The following PPFIA3 variants were observed in gnomAD, a reference collection of about 807,000 sequenced individuals.
PPFIA3 encodes PPFI scaffold protein A3, also known as liprin-alpha-3.
A neutral mutation model predicts 145.8 loss-of-function variants in PPFIA3; 26 were observed. The observed-to-expected ratio is 0.18, with a 90% CI of 0.13 to 0.25. The LOEUF (loss-of-function observed/expected upper bound fraction) is 0.25, where lower values mean the gene tolerates loss of function less well. PPFIA3 is among the 10% of genes least tolerant of loss of function. The pLI is 1.00. For synonymous variants in PPFIA3, 645 were observed against 661.4 expected (o/e 0.98, Z 0.38); for missense variants, 1,008 against 1,587.8 (o/e 0.63, Z 6.21).
At chr19:49,142,577 A>ACCCGCCC (rs1236448274) in intron 20 of PPFIA3, among the ~76,000 whole-genome samples, 5 of 36,730 alleles carry the variant, frequency 1.4e-4, no homozygotes, top group South Asian at 1.2e-3. Context: ...CTCTTCCCCC[A>ACCCGCCC]CCCGCCCCCC....
chr19:49,127,580 C>T (rs2041017289), intron 1 of PPFIA3, among the ~76,000 whole-genome samples: 1 of 151,388 alleles, frequency 6.6e-6, no homozygotes, highest in Non-Finnish European at 1.5e-5. Context: ...GCCTGGGTGA[C>T]AGAGTGAGAC....
chr19:49,140,080 C>T lies in PPFIA3; in HGVS notation c.2360C>T (p.Ser787Phe). The T allele has an allele frequency of 6.2e-7, 1 of 1,614,002 alleles. No homozygotes were observed. The highest frequency in any genetic ancestry group is 8.5e-7 in the Non-Finnish European group (1 of 1,180,046). Residue 787 changes from serine to phenylalanine, a missense_variant, in exon 18 of 30, where the codon TCT (serine) becomes TTT (phenylalanine). Physicochemically the swap from Ser to Phe is radical, Grantham distance 155 (BLOSUM62 -2). Coordinates refer to ENST00000334186, the MANE Select transcript of PPFIA3 (RefSeq NM_003660.4). ...ATGGGACCCCCAGGCCGGGACAGCTCTTCTCTGGGTGAGTACCTCACTCTA... is the reference window on the plus strand; with the variant it reads ...ATGGGACCCCCAGGCCGGGACAGCTTTTCTCTGGGTGAGTACCTCACTCTA... ...GRMGPPGRDS[S>F]SLAGTPSDET...
rs556087612 is a variant in PPFIA3, at chr19:49,146,072, G to C, written c.2808+67G>C. On this transcript the variant is annotated intron_variant, in intron 22 of 29. Coordinates refer to ENST00000334186, the MANE Select transcript of PPFIA3 (RefSeq NM_003660.4). ...TTCTTTGGGGGTGGGGGCGGGGACC[G>C]AGTCTGTGGCCATCCCTAAGTCCGC... 4 of 1,607,426 alleles carry C rather than the reference G, an allele frequency of 2.5e-6. No homozygotes were observed. In the Admixed American group the frequency reaches 5.0e-5, roughly 20 times the overall value.
At chr19:49,129,634 G>A (rs1434841231) in intron 5 of PPFIA3, among the ~76,000 whole-genome samples, 180 bp downstream of exon 5, 1 of 152,224 alleles carries the variant, frequency 6.6e-6, no homozygotes, top group African/African-American at 2.4e-5. Context: ...GGCACGCATT[G>A]CGCAGGGCTA....
Position 49,148,065 on chromosome 19 carries a change from A to T in PPFIA3, c.2836-18A>T. On this transcript the variant is annotated intron_variant, in intron 23 of 29. Transcript: ENST00000334186. Reference sequence around the variant, plus strand: ...GGCCAGAGGGCCTGACTCTTCCCTCACCTGCCCATGGCCCCAGATCCTGGC... The same window carrying T: ...GGCCAGAGGGCCTGACTCTTCCCTCTCCTGCCCATGGCCCCAGATCCTGGC... The T allele has an allele frequency of 6.2e-7, 1 of 1,604,222 alleles. No homozygotes were observed. Among genetic ancestry groups the T allele is most frequent in the South Asian group, 1.1e-5 (1 of 89,186 alleles).
At position 49,120,540 on chromosome 19, in the gene PPFIA3, C is replaced by T. The variant is rs759034844; in HGVS notation, c.-16+818C>T. Reference sequence around the variant, plus strand: ...ACCTCTGCTGGCCCCAGGTGGTAGCCCTCACCCCGTCAGCACCTAGGAATC... The same window carrying T: ...ACCTCTGCTGGCCCCAGGTGGTAGCTCTCACCCCGTCAGCACCTAGGAATC... On this transcript the variant is annotated intron_variant, in intron 1 of 29. Transcript: ENST00000334186. The surrounding 1 kb of genome is among the most constrained non-coding windows in gnomAD (Gnocchi z 4.6). 6.6e-6 allele frequency among the ~76,000 whole-genome samples: 1 copy of T among 152,136 alleles called. No individual in the cohort carries two copies. The highest frequency in any genetic ancestry group is 1.5e-5 in the Non-Finnish European group (1 of 68,010).
chr19:49,140,659 T>G (rs2041209367), intron 18 of PPFIA3, among the ~76,000 whole-genome samples: 1 of 129,532 alleles, frequency 7.7e-6, no homozygotes, highest in African/African-American at 3.1e-5. Flanking sequence ...TTTTTTTTTT[T>G]TTTTTTTTGT....
In PPFIA3 at chr19:49,129,312, G is replaced by T. The variant is rs2041040557; in HGVS notation, c.508-68G>T. On this transcript the variant is annotated intron_variant, in intron 4 of 29. Coordinates refer to ENST00000334186, the MANE Select transcript of PPFIA3 (RefSeq NM_003660.4). ...ATCGGATCCGTCCCAGGGGTGTTCT[G>T]GACCAGGGGCAACTGTCCTAAACTG... 2.7e-6 allele frequency: 4 copies of T among 1,501,454 alleles called. No homozygotes were observed. In the African/African-American group the frequency reaches 4.2e-5, roughly 16 times the overall value. 93.0% of individuals were successfully genotyped at this position (1,501,454 alleles called of 1,614,324 possible). A position where few individuals can be genotyped will look rare whatever the true frequency, so the allele number is the denominator to read the frequency against.
At chr19:49,139,506 A>G (rs1435795900) in intron 16 of PPFIA3, among the ~76,000 whole-genome samples, 162 bp from the exon 17 acceptor site, 1 of 151,948 alleles carries the variant, frequency 6.6e-6, no homozygotes, top group Admixed American at 6.6e-5. Context: ...AAAAAAAAAA[A>G]AAAGTTTCTG....
rs2040925710 is a variant in PPFIA3, at chr19:49,120,612, GAC to G, written c.-16+896_-16+897del. On this transcript the variant is annotated intron_variant, in intron 1 of 29. Transcript: ENST00000334186. The surrounding 1 kb of genome is among the most constrained non-coding windows in gnomAD (Gnocchi z 4.6). Reference sequence around the variant, plus strand: ...GCTTAGAACCCCGCTGTGCCCTGCAGACACACAGACTTAGCCTCCTGGCACCC... The same window carrying G: ...GCTTAGAACCCCGCTGTGCCCTGCAGACACAGACTTAGCCTCCTGGCACCC... Among the ~76,000 whole-genome samples, 1 of 152,126 alleles carries G rather than the reference GAC, an allele frequency of 6.6e-6. No homozygotes were observed. Among genetic ancestry groups the G allele is most frequent in the Non-Finnish European group, 1.5e-5 (1 of 68,024 alleles).
chr19:49,136,898 A>G lies in PPFIA3; in HGVS notation c.1840A>G (p.Asn614Asp), dbSNP rs2041145014. ...IMLQEQLEAI[N>D]KEIKLIQEEK... ...GCTTCAGGAGCAGCTGGAGGCCATC[A>G]ACAAGGAGATCAAGTGAGCCCTGGC... The change falls in exon 15 of 30, where the codon AAC becomes GAC. Residue 614 changes from asparagine (N) to aspartate (D), a missense_variant. Physicochemically the swap from Asn to Asp is conservative, Grantham distance 23. Coordinates refer to ENST00000334186, the MANE Select transcript of PPFIA3 (RefSeq NM_003660.4). The G allele has an allele frequency of 1.9e-6, 3 of 1,553,390 alleles. No individual in the cohort carries two copies. Among genetic ancestry groups the G allele is most frequent in the Non-Finnish European group, 2.6e-6 (3 of 1,147,068 alleles).
chr19:49,129,278 C>G, intron 4 of PPFIA3, 102 bp from the exon 5 acceptor site: 3 of 1,254,532 alleles, frequency 2.4e-6, no homozygotes, highest in Non-Finnish European at 3.3e-6. Flanking sequence ...GGAGCCCCAA[C>G]GCTGCCCTAT....
chr19:49,142,579 C>G (rs2041236484), intron 20 of PPFIA3, among the ~76,000 whole-genome samples: 2 of 127,580 alleles, frequency 1.6e-5, no homozygotes, highest in African/African-American at 5.7e-5. Context: ...CTTCCCCCAC[C>G]CGCCCCCCGC....
intron 22 of PPFIA3, 38 bp from the exon 23 acceptor site, chr19:49,146,128 C>G: frequency 6.2e-7 from 1 of 1,613,886 alleles, no homozygotes. Context: ...TGCCCCTTAA[C>G]TCACCCCTTC....
intron 7 of PPFIA3, among the ~76,000 whole-genome samples, chr19:49,131,649 C>T (rs2041074068): frequency 6.6e-6 from 1 of 151,794 alleles, no homozygotes; most frequent in Non-Finnish European, 1.5e-5. Context: ...CATAGCGAGA[C>T]CCCGTCACTA....
chr19:49,138,182 G>C (rs373969040), intron 15 of PPFIA3, 23 bp from the exon 16 acceptor site: 2 of 1,546,498 alleles, frequency 1.3e-6, no homozygotes, highest in African/African-American at 1.4e-5. Context: ...CCCTCACCCA[G>C]TTTCCCCTAT....
intron 18 of PPFIA3, among the ~76,000 whole-genome samples, chr19:49,140,651 T>G (rs2041209152): frequency 7.8e-6 from 1 of 128,440 alleles, no homozygotes; most frequent in East Asian, 2.1e-4. Context: ...TTTTTTTTTT[T>G]TTTTTTTTTT....
chr19:49,139,724 A>G lies in PPFIA3; in HGVS notation c.2133A>G (p.Pro711=). Residue 711 remains proline, a synonymous_variant, in exon 17 of 30, where the codon CCA becomes CCG. Transcript: ENST00000334186. ...GAPRGEGPAI[P]GDTPPPTPRS... The stretch of plus-strand genomic sequence containing the variant: ...CACGAGGGGAGGGGCCGGCCATCCC[A>G]GGAGACACCCCACCACCCACTCCCC... 1 of 1,613,744 alleles carries G rather than the reference A, an allele frequency of 6.2e-7. No homozygotes were observed. The highest frequency in any genetic ancestry group is 8.5e-7 in the Non-Finnish European group (1 of 1,179,786).
At position 49,143,870 on chromosome 19, in the gene PPFIA3, G is replaced by GT. The variant is rs556470104; in HGVS notation, c.2745+874dup. On this transcript the variant is annotated intron_variant, in intron 21 of 29. Transcript: ENST00000334186. ...TGTTTAGAATTTCTGATTTTAAAAA[G>GT]TTTTTTTTGAATATTTGCATATAAA... Among the ~76,000 whole-genome samples the GT allele has an allele frequency of 1.9e-3, 290 of 151,986 alleles. 1 individual carries two copies. The highest frequency in any genetic ancestry group is 6.5e-3 in the African/African-American group (270 of 41,440).
Sources: gnomAD v4.1 joint callset for allele counts (sites outside exome capture counted in the v4.1 genomes callset) on GRCh38, gnomAD v4.1.1 for gene constraint, Gnocchi (gnomAD v3.1) non-coding constraint, MANE v1.5 for transcripts, NCBI Gene and HGNC (gene_info 2026-07-23, HGNC 2026-07-21) for gene names.